The following SUFU variants were observed in gnomAD, a reference collection of about 807,000 sequenced individuals.
SUFU encodes the protein SUFU negative regulator of hedgehog signaling.
In SUFU, 7 loss-of-function variants were observed where a neutral mutation model predicts 58.9. The observed-to-expected ratio is 0.12, with a 90% CI of 0.07 to 0.22. The LOEUF is 0.22. Among genes scored for constraint, SUFU ranks in the 10% least tolerant of loss-of-function variants. SUFU has a pLI of 1.00. For synonymous variants in SUFU, 232 were observed against 254.8 expected (o/e 0.91, Z 0.85); for missense variants, 451 against 641.3 (o/e 0.70, Z 3.20).
chr10:102,519,815 A>G (rs1019583186), intron 2 of SUFU, among the ~76,000 whole-genome samples: 1 of 152,116 alleles, frequency 6.6e-6, no homozygotes, highest in Non-Finnish European at 1.5e-5. Context: ...TCTGTCGCTC[A>G]GGCTGGAATG....
At chr10:102,515,105 C>T (rs756709390) in intron 2 of SUFU, among the ~76,000 whole-genome samples, 2 of 152,280 alleles carry the variant, frequency 1.3e-5, no homozygotes, top group South Asian at 2.1e-4. Context: ...CTGGAACTGC[C>T]GCTGACCGGC....
chr10:102,598,941 T>A (rs1174891900), intron 7 of SUFU, among the ~76,000 whole-genome samples: 1 of 152,122 alleles, frequency 6.6e-6, no homozygotes, highest in Non-Finnish European at 1.5e-5. Context: ...AGAGATGATC[T>A]TAGCATCTCA....
chr10:102,613,794 A>T (rs1564705710), intron 8 of SUFU, among the ~76,000 whole-genome samples: 1 of 152,214 alleles, frequency 6.6e-6, no homozygotes, highest in South Asian at 2.1e-4. Context: ...TTGAAAGAGC[A>T]AATCTTAGAA....
At chr10:102,547,217 C>T (rs936450158) in intron 2 of SUFU, among the ~76,000 whole-genome samples, 1 of 152,124 alleles carries the variant, frequency 6.6e-6, no homozygotes, top group Non-Finnish European at 1.5e-5. Context: ...CCTACTGACC[C>T]ATCTCCCTTT....
At chr10:102,612,169 T>TG (rs2063631556) in intron 8 of SUFU, among the ~76,000 whole-genome samples, 28 of 148,230 alleles carry the variant, frequency 1.9e-4, no homozygotes, top group African/African-American at 6.5e-4. Flanking sequence ...AACTGGGTTC[T>TG]TGTGTGTGTG....
In SUFU at chr10:102,504,124, T is replaced by C; in HGVS notation, c.-29T>C. 6.5e-7 allele frequency: 1 copy of C among 1,530,706 alleles called. No homozygotes were observed. The highest frequency in any genetic ancestry group is 2.0e-5 in the Admixed American group (1 of 49,760). The allele number at this position is 1,530,706 out of a possible 1,614,324, so 94.8% of individuals were successfully genotyped here. The stretch of plus-strand genomic sequence containing the variant: ...TCTCCCCGTCGTTTGCCCTCTCCAG[T>C]TCCCCCAGTGCCTGCCCTACGCACC... On this transcript the variant is annotated 5_prime_UTR_variant, in exon 1 of 12. Coordinates refer to ENST00000369902, the MANE Select transcript of SUFU (RefSeq NM_016169.4).
chr10:102,575,851 T>A (rs2063207118), intron 3 of SUFU, among the ~76,000 whole-genome samples: 1 of 151,872 alleles, frequency 6.6e-6, no homozygotes, highest in Non-Finnish European at 1.5e-5. Flanking sequence ...AATTTCAGAT[T>A]TTTTTTTGGA....
At chr10:102,614,092 C>T (rs1028896805) in intron 8 of SUFU, among the ~76,000 whole-genome samples, 5 of 152,188 alleles carry the variant, frequency 3.3e-5, no homozygotes, top group African/African-American at 9.7e-5. Context: ...TGGCTGTTGG[C>T]GGAATGTGCA....
At chr10:102,520,799 T>G (rs1462035373) in intron 2 of SUFU, among the ~76,000 whole-genome samples, 1 of 152,250 alleles carries the variant, frequency 6.6e-6, no homozygotes, top group Non-Finnish European at 1.5e-5. Flanking sequence ...GGTGACTTGA[T>G]AGCTCCTTTC....
chr10:102,562,020 A>G (rs2063043070), intron 3 of SUFU, among the ~76,000 whole-genome samples: 1 of 152,172 alleles, frequency 6.6e-6, no homozygotes, highest in Non-Finnish European at 1.5e-5. Context: ...GAATCCATCC[A>G]TCATGCTTCC....
At chr10:102,600,196 C>G (rs1397155261) in intron 8 of SUFU, among the ~76,000 whole-genome samples, 1 of 152,178 alleles carries the variant, frequency 6.6e-6, no homozygotes, top group Admixed American at 6.5e-5. Context: ...CTGGGCACCC[C>G]CCTCTGCCCT....
chr10:102,632,154 C>T lies in SUFU; in HGVS notation c.*1999C>T, dbSNP rs2063843541. The T allele has an allele frequency of 1.3e-5, 3 of 233,222 alleles. No homozygotes were observed. The highest frequency in any genetic ancestry group is 1.7e-5 in the Non-Finnish European group (2 of 118,138). The allele number at this position is 233,222 out of a possible 1,614,324, so 14.4% of individuals were successfully genotyped here. On this transcript the variant is annotated 3_prime_UTR_variant, in exon 12 of 12. Transcript: ENST00000369902. The stretch of plus-strand genomic sequence containing the variant: ...ACTTCCATCTGCTGGGTGCCTCCAT[C>T]GTTGGTTGGGTGGGGATGGGGCATT...
intron 2 of SUFU, among the ~76,000 whole-genome samples, chr10:102,513,643 T>C (rs777177776): frequency 2.0e-5 from 3 of 152,188 alleles, no homozygotes; most frequent in Non-Finnish European, 4.4e-5. Context: ...GGCTGCTGAA[T>C]TGCTAGAGGC....
chr10:102,508,527 C>T (rs950333708), intron 1 of SUFU, among the ~76,000 whole-genome samples: 1 of 152,222 alleles, frequency 6.6e-6, no homozygotes, highest in African/African-American at 2.4e-5. Flanking sequence ...CTGCAGTTCT[C>T]TGTGCAGAAC....
At chr10:102,524,265 A>G (rs1160388185) in intron 2 of SUFU, among the ~76,000 whole-genome samples, 1 of 151,292 alleles carries the variant, frequency 6.6e-6, no homozygotes, top group Non-Finnish European at 1.5e-5. Context: ...CTTGCCTCCT[A>G]AAGTGCTGAG....
At chr10:102,541,214 G>C (rs957059618) in intron 2 of SUFU, among the ~76,000 whole-genome samples, 1 of 151,978 alleles carries the variant, frequency 6.6e-6, no homozygotes, top group African/African-American at 2.4e-5. Flanking sequence ...CCAAAAGTGA[G>C]AACTATACAA....
At position 102,630,614 on chromosome 10, in the gene SUFU, G is replaced by A. The variant is rs184734261; in HGVS notation, c.*459G>A. 4 of 317,054 alleles carry A rather than the reference G, an allele frequency of 1.3e-5. No homozygotes were observed. The highest frequency in any genetic ancestry group is 9.1e-4 in the Middle Eastern group (1 of 1,102). The allele number at this position is 317,054 out of a possible 1,614,324, so 19.6% of individuals were successfully genotyped here. A position where few individuals can be genotyped will look rare whatever the true frequency, so the allele number is the denominator to read the frequency against. ...CTTTGCTACTCAAGCTCCTCTGGCCGCGGAACAATTCCTCTGATCATGTTT... is the reference window on the plus strand; with the variant it reads ...CTTTGCTACTCAAGCTCCTCTGGCCACGGAACAATTCCTCTGATCATGTTT... On this transcript the variant is annotated 3_prime_UTR_variant, in exon 12 of 12. Transcript: ENST00000369902.
chr10:102,548,645 C>G (rs2135740000), intron 2 of SUFU, among the ~76,000 whole-genome samples: 1 of 152,262 alleles, frequency 6.6e-6, no homozygotes, highest in African/African-American at 2.4e-5. Flanking sequence ...TTAATTTTAA[C>G]CTTCCCATGC....
rs546107381 is a variant in SUFU at position 102,504,072 on chromosome 10, C to A, written c.-81C>A. On this transcript the variant is annotated 5_prime_UTR_variant, in exon 1 of 12. Coordinates refer to ENST00000369902, the MANE Select transcript of SUFU (RefSeq NM_016169.4). ...CATCGCCTCGGGGAGTCTCACCCAC[C>A]GAGTCCGCCCGCTGGCCCGTCAGTG... 9 of 1,474,234 alleles carry A rather than the reference C, an allele frequency of 6.1e-6. No individual in the cohort carries two copies. The African/African-American group carries it at 8.4e-5, about 14-fold the overall frequency. The allele number at this position is 1,474,234 out of a possible 1,614,324, so 91.3% of individuals were successfully genotyped here. A position where few individuals can be genotyped will look rare whatever the true frequency, so the allele number is the denominator to read the frequency against.
Sources: gnomAD v4.1 joint callset for allele counts (sites outside exome capture counted in the v4.1 genomes callset) on GRCh38, gnomAD v4.1.1 for gene constraint, MANE v1.5 for transcripts, NCBI Gene and HGNC (gene_info 2026-07-23, HGNC 2026-07-21) for gene names.